The following OLFM2 variants were observed in gnomAD, a reference collection of about 807,000 sequenced individuals.
OLFM2 encodes olfactomedin 2.
OLFM2 carries 20 observed loss-of-function variants against 43.9 expected under a neutral mutation model. That is an observed-to-expected ratio of 0.46 (90% CI 0.32 to 0.66). The LOEUF (loss-of-function observed/expected upper bound fraction) is 0.66, where lower values mean the gene tolerates loss of function less well. Ranked by LOEUF, OLFM2 falls within the 30% of genes least tolerant of loss-of-function variation. The probability of loss-of-function intolerance (pLI) is 0.04; values close to 1 mark genes in which losing one functional copy is unlikely to be tolerated. For missense variants in OLFM2, 416 were observed against 643.6 expected (o/e 0.65, Z 3.83); for synonymous variants, 268 against 278.6 (o/e 0.96, Z 0.38).
intron 1 of OLFM2, among the ~76,000 whole-genome samples, chr19:9,879,006 C>T (rs1020628054): frequency 1.3e-5 from 2 of 152,040 alleles, no homozygotes; most frequent in Non-Finnish European, 2.9e-5. Flanking sequence ...ATTTGTGTCC[C>T]GTTCAAATCT....
intron 1 of OLFM2, among the ~76,000 whole-genome samples, chr19:9,883,573 G>C (rs561474618): frequency 3.3e-5 from 5 of 152,248 alleles, no homozygotes; most frequent in African/African-American, 1.2e-4. Flanking sequence ...CCAGGGCTGG[G>C]AGTGGAGCCA....
intron 1 of OLFM2, among the ~76,000 whole-genome samples, chr19:9,925,799 A>G (rs1326179651): frequency 6.6e-6 from 1 of 151,644 alleles, no homozygotes; most frequent in East Asian, 1.9e-4. Context: ...AGATATTGGT[A>G]CACCCGTGAT....
At chr19:9,925,408 A>G (rs2086446808) in intron 1 of OLFM2, among the ~76,000 whole-genome samples, 1 of 152,144 alleles carries the variant, frequency 6.6e-6, no homozygotes, top group Admixed American at 6.6e-5. Context: ...CGTAGAAAAC[A>G]TTATCGTAGT....
intron 1 of OLFM2, among the ~76,000 whole-genome samples, chr19:9,867,906 A>T (rs796788618): frequency 6.6e-4 from 98 of 148,560 alleles, no homozygotes; most frequent in South Asian, 2.8e-3. Context: ...TAGAAAAAAA[A>T]TTTTTTTTTT....
intron 1 of OLFM2, among the ~76,000 whole-genome samples, chr19:9,917,877 T>TTTTTG (rs56666087): frequency 0.49 from 73,565 of 150,286 alleles, 18,280 homozygotes; most frequent in East Asian, 0.61. Context: ...CTTTAGTTGT[T>TTTTTG]TTTTGTTTTG....
intron 1 of OLFM2, among the ~76,000 whole-genome samples, chr19:9,881,655 C>A (rs2046540626): frequency 8.7e-6 from 1 of 114,486 alleles, no homozygotes; most frequent in African/African-American, 3.0e-5. Flanking sequence ...CCATGTCCCA[C>A]TAATTTTTAA....
intron 1 of OLFM2, among the ~76,000 whole-genome samples, chr19:9,880,489 T>C (rs1273742328): frequency 1.3e-5 from 2 of 152,080 alleles, no homozygotes; most frequent in East Asian, 1.9e-4. Context: ...CCCAGCACTT[T>C]AGGAGGCTAA....
chr19:9,883,823 C>G (rs894733831), intron 1 of OLFM2, among the ~76,000 whole-genome samples: 1 of 152,144 alleles, frequency 6.6e-6, no homozygotes, highest in Non-Finnish European at 1.5e-5. Context: ...GGGACCTCAT[C>G]GCACCACCTC....
chr19:9,896,714 C>T lies in OLFM2; in HGVS notation c.64-35920G>A, dbSNP rs867663846. 4.6e-5 allele frequency among the ~76,000 whole-genome samples: 7 copies of T among 152,316 alleles called. No homozygotes were observed. The Middle Eastern group carries it at 0.017, about 370-fold the overall frequency. On this transcript the variant is annotated intron_variant, in intron 1 of 5. Coordinates refer to ENST00000264833, the MANE Select transcript of OLFM2 (RefSeq NM_058164.4). ...CTCTGACTTCCAAATTACATCAAAT[C>T]TCCTTATTAGAAGCTACTAGAGCAC... is the stretch of plus-strand genomic sequence containing the variant.
chr19:9,861,401 T>C (rs1178096573), intron 1 of OLFM2, among the ~76,000 whole-genome samples: 1 of 150,896 alleles, frequency 6.6e-6, no homozygotes, highest in African/African-American at 2.4e-5. Context: ...TCACCTCAGG[T>C]GATCCACCCG....
At chr19:9,914,193 C>A (rs2144995223) in intron 1 of OLFM2, among the ~76,000 whole-genome samples, 1 of 152,200 alleles carries the variant, frequency 6.6e-6, no homozygotes, top group Admixed American at 6.5e-5. Flanking sequence ...CGGCCCACCC[C>A]GGCCACCCAA....
chr19:9,860,703 G>T lies in OLFM2; in HGVS notation c.155C>A (p.Ala52Glu). 1 of 1,604,928 alleles carries T rather than the reference G, an allele frequency of 6.2e-7. No individual in the cohort carries two copies. The highest frequency in any genetic ancestry group is 1.3e-5 in the African/African-American group (1 of 74,922). ...GKCICTAVIP[A>E]QSTCSRDGRS... ...GCCATCTCGAGAGCAGGTACTCTGCGCTGGGATCACGGCCGTGCAGATGCA... is the reference window on the plus strand; with the variant it reads ...GCCATCTCGAGAGCAGGTACTCTGCTCTGGGATCACGGCCGTGCAGATGCA... The change falls in exon 2 of 6, where the codon GCG becomes GAG. Residue 52 changes from alanine (A) to glutamate (E), a missense_variant. By Grantham distance (107) the Ala-to-Glu change is moderately radical. Transcript: ENST00000264833.
intron 1 of OLFM2, among the ~76,000 whole-genome samples, chr19:9,888,441 T>A (rs11085437): frequency 0.47 from 58,510 of 125,134 alleles, 12,822 homozygotes; most frequent in Admixed American, 0.6. Flanking sequence ...GGAGAATCGC[T>A]TGAGCCTGGG....
intron 1 of OLFM2, among the ~76,000 whole-genome samples, chr19:9,884,334 T>C (rs981757172): frequency 1.3e-5 from 2 of 149,914 alleles, no homozygotes; most frequent in Admixed American, 1.3e-4. Flanking sequence ...TCCCAGCACT[T>C]TGGGAGGCTG....
chr19:9,866,737 C>T (rs1459669481), intron 1 of OLFM2, among the ~76,000 whole-genome samples: 1 of 151,990 alleles, frequency 6.6e-6, no homozygotes, highest in Non-Finnish European at 1.5e-5. Context: ...TAAAGTGATC[C>T]ACCCGCCTTG....
rs908147605 is a variant in OLFM2 at position 9,879,361 on chromosome 19, A to G, written c.64-18567T>C. ...TGGTCAGGGTGGTCACCAACTCCCA[A>G]TCTCAGGTGATCTGCCCCCCTCGGC... On this transcript the variant is annotated intron_variant, in intron 1 of 5. Transcript: ENST00000264833. 4.0e-5 allele frequency among the ~76,000 whole-genome samples: 6 copies of G among 149,538 alleles called. No homozygotes were observed. The East Asian group carries it at 6.1e-4, about 15-fold the overall frequency.
intron 1 of OLFM2, among the ~76,000 whole-genome samples, chr19:9,901,811 G>A (rs994840696): frequency 6.6e-6 from 1 of 152,144 alleles, no homozygotes; most frequent in Non-Finnish European, 1.5e-5. Context: ...GGAGTATCTG[G>A]ACATGCCTGT....
chr19:9,862,061 G>A (rs1421979652), intron 1 of OLFM2, among the ~76,000 whole-genome samples: 2 of 150,562 alleles, frequency 1.3e-5, no homozygotes, highest in African/African-American at 4.9e-5. Flanking sequence ...ATCCATGAGA[G>A]TCTCTTCTGT....
At chr19:9,908,901 T>C (rs1046348797) in intron 1 of OLFM2, among the ~76,000 whole-genome samples, 3 of 152,142 alleles carry the variant, frequency 2.0e-5, no homozygotes, top group Non-Finnish European at 4.4e-5. Context: ...TTTTGGGGTT[T>C]TGCTATGTTG....
Sources: allele counts gnomAD v4.1 joint callset (sites outside exome capture counted in the v4.1 genomes callset), GRCh38; gene constraint gnomAD v4.1.1; transcripts MANE v1.5; gene names NCBI Gene and HGNC (gene_info 2026-07-23, HGNC 2026-07-21).